Variants in ST18 observed in about 807,000 individuals in gnomAD.
The protein encoded by ST18 is suppression of tumorigenicity 18 protein.
Under a neutral mutation model 110.0 loss-of-function variants are expected in ST18, and 50 were observed. The ratio of observed to expected loss-of-function variants is 0.45; its 90% CI spans 0.36 to 0.58. ST18 has a LOEUF of 0.58. Ranked by LOEUF, ST18 falls within the 20% of genes least tolerant of loss-of-function variation. The pLI is 0.00. For missense variants in ST18, 1,306 were observed against 1,280.1 expected (o/e 1.02, Z -0.31); for synonymous variants, 461 against 452.4 (o/e 1.02, Z -0.24).
chr8:52,333,408 T>C (rs1589995350), intron 2 of ST18, among the ~76,000 whole-genome samples: 1 of 151,892 alleles, frequency 6.6e-6, no homozygotes, highest in South Asian at 2.1e-4. Context: ...ATTTAGCCAA[T>C]GAGTCAGACA....
intron 2 of ST18, among the ~76,000 whole-genome samples, chr8:52,379,164 T>G (rs1833555651): frequency 6.7e-6 from 1 of 149,954 alleles, no homozygotes; most frequent in Non-Finnish European, 1.5e-5. Flanking sequence ...AGTGGCTCAA[T>G]CTCAGCCACT....
At chr8:52,365,589 AAAAAAC>A in intron 2 of ST18, among the ~76,000 whole-genome samples, 1 of 152,214 alleles carries the variant, frequency 6.6e-6, no homozygotes, top group Admixed American at 6.5e-5. Context: ...AGTTTAAAAA[AAAAAAC>A]TTACGTTATT....
At chr8:52,191,926 T>A (rs1457466193) in intron 8 of ST18, among the ~76,000 whole-genome samples, 2 of 151,370 alleles carry the variant, frequency 1.3e-5, no homozygotes, top group East Asian at 3.9e-4. Context: ...AGACTGGGGG[T>A]GAAATGGGAA....
At chr8:52,332,799 C>T (rs1287825328) in intron 2 of ST18, among the ~76,000 whole-genome samples, 6 of 151,846 alleles carry the variant, frequency 4.0e-5, no homozygotes, top group Admixed American at 2.6e-4. Context: ...TGCAGTGAGC[C>T]GAGATTGTGC....
In ST18 at chr8:52,142,923, C is replaced by G; in HGVS notation, c.2168+7G>C. On this transcript the variant is annotated splice_region_variant and intron_variant, in intron 17 of 25. Transcript: ENST00000689386. ...TCTTAGAGGGCATGGCATTGGGCAC[C>G]ACTTACGTGATTAGTTCCTTTTTGA... The G allele has an allele frequency of 6.3e-7, 1 of 1,594,676 alleles. No individual in the cohort carries two copies.
At chr8:52,304,866 C>A (rs1470147909) in intron 2 of ST18, among the ~76,000 whole-genome samples, 1 of 152,170 alleles carries the variant, frequency 6.6e-6, no homozygotes, top group African/African-American at 2.4e-5. Flanking sequence ...CTGGGTCTCT[C>A]TTACAAGAGC....
chr8:52,250,910 C>T (rs2094264512), intron 2 of ST18, among the ~76,000 whole-genome samples: 2 of 152,148 alleles, frequency 1.3e-5, no homozygotes, highest in Admixed American at 6.5e-5. Flanking sequence ...CACCTTATCA[C>T]ATTGATTGAG....
rs1367677854 is a variant in ST18 at position 52,122,931 on chromosome 8, TATTTAG to T, written c.2755+3115_2755+3120del. 5.2e-4 allele frequency among the ~76,000 whole-genome samples: 79 copies of T among 152,288 alleles called. 3 individuals are homozygous for T. In the South Asian group the frequency reaches 0.016, roughly 31 times the overall value. ...TCTAGAAATAAATTATATATAACTA[TATTTAG>T]GACACACTATTTTGTCACATGAGAA... On this transcript the variant is annotated intron_variant, in intron 23 of 25. Transcript: ENST00000689386.
intron 2 of ST18, among the ~76,000 whole-genome samples, chr8:52,342,662 G>A (rs1206547017): frequency 6.6e-6 from 1 of 152,096 alleles, no homozygotes; most frequent in Non-Finnish European, 1.5e-5. Context: ...AGGAGATCTG[G>A]GGTGGTTCCT....
chr8:52,332,971 G>A (rs1000770597), intron 2 of ST18, among the ~76,000 whole-genome samples: 1 of 152,134 alleles, frequency 6.6e-6, no homozygotes, highest in African/African-American at 2.4e-5. Flanking sequence ...TTTTGCAGCT[G>A]AGCATACTGG....
chr8:52,115,071 G>A (rs1324517294), intron 25 of ST18, among the ~76,000 whole-genome samples: 1 of 152,102 alleles, frequency 6.6e-6, no homozygotes, highest in African/African-American at 2.4e-5. Context: ...TTTGCTTTGT[G>A]TTCATTATTA....
chr8:52,171,696 G>C lies in ST18; in HGVS notation c.1069+96C>G. The C allele has an allele frequency of 4.5e-6, 6 of 1,347,048 alleles. No individual in the cohort carries two copies. In the South Asian group the frequency reaches 5.1e-5, roughly 11 times the overall value. The allele number at this position is 1,347,048 out of a possible 1,614,324, so 83.4% of individuals were successfully genotyped here. ...ATTGATTTTTAAGTTGCATTAAACT[G>C]TTAAAAAGCTACCTGAAAAAAATAA... On this transcript the variant is annotated intron_variant, in intron 10 of 25. Transcript: ENST00000689386.
intron 12 of ST18, 124 bp downstream of exon 12, chr8:52,165,011 A>T: frequency 1.2e-6 from 1 of 808,460 alleles, no homozygotes; most frequent in Non-Finnish European, 2.1e-6. Flanking sequence ...CTCTATTTCA[A>T]GTGTCACATA....
chr8:52,376,632 C>T (rs1301799238), intron 2 of ST18, among the ~76,000 whole-genome samples: 1 of 151,790 alleles, frequency 6.6e-6, no homozygotes, highest in Non-Finnish European at 1.5e-5. Context: ...TCTCCCTGCA[C>T]TAGAAGCCAA....
At chr8:52,172,686 G>A (rs2065400467) in intron 9 of ST18, 103 bp from the exon 10 acceptor site, 2 of 809,530 alleles carry the variant, frequency 2.5e-6, no homozygotes, top group South Asian at 2.0e-5. Context: ...CACATACATA[G>A]GTACATACAC....
At chr8:52,289,244 G>GGCCA (rs1487359882) in intron 2 of ST18, among the ~76,000 whole-genome samples, 3 of 152,158 alleles carry the variant, frequency 2.0e-5, no homozygotes, top group Non-Finnish European at 4.4e-5. Flanking sequence ...CAATTTGAGA[G>GGCCA]GCCAAGGCAG....
chr8:52,328,978 A>G (rs1386760816), intron 2 of ST18, among the ~76,000 whole-genome samples: 2 of 152,158 alleles, frequency 1.3e-5, no homozygotes, highest in Admixed American at 6.5e-5. Flanking sequence ...AACTTTCCCC[A>G]GCCATATTTC....
At chr8:52,282,984 A>C (rs2095411836) in intron 2 of ST18, among the ~76,000 whole-genome samples, 1 of 152,200 alleles carries the variant, frequency 6.6e-6, no homozygotes, top group African/African-American at 2.4e-5. Flanking sequence ...GTACATAAGA[A>C]AACAAGAGTG....
intron 11 of ST18, among the ~76,000 whole-genome samples, chr8:52,165,486 C>T (rs768379806): frequency 6.6e-5 from 10 of 152,188 alleles, no homozygotes; most frequent in Non-Finnish European, 1.0e-4. Flanking sequence ...TTATAGTTAA[C>T]GTAAACTGAA....
Sources: allele counts gnomAD v4.1 joint callset (sites outside exome capture counted in the v4.1 genomes callset), GRCh38; gene constraint gnomAD v4.1.1; transcripts MANE v1.5; gene names NCBI Gene and HGNC (gene_info 2026-07-23, HGNC 2026-07-21).